SLC36A1: variants seen among roughly 807,000 people sequenced by gnomAD.
SLC36A1 encodes the protein proton-coupled amino acid transporter 1.
SLC36A1 carries 30 observed loss-of-function variants against 47.5 expected under a neutral mutation model. The ratio of observed to expected loss-of-function variants is 0.63; its 90% CI spans 0.47 to 0.86. The LOEUF (loss-of-function observed/expected upper bound fraction) is 0.86. SLC36A1 is among the 40% of genes least tolerant of loss of function. SLC36A1 has a pLI of 0.00. For missense variants in SLC36A1, 517 were observed against 606.0 expected (o/e 0.85, Z 1.54); for synonymous variants, 255 against 249.7 (o/e 1.02, Z -0.20).
chr5:151,433,849 C>A (rs1467284857), upstream of SLC36A1, among the ~76,000 whole-genome samples: 3 of 151,962 alleles, frequency 2.0e-5, no homozygotes, highest in Non-Finnish European at 4.4e-5. Context: ...GGAAATAAAT[C>A]AATATCCCAC....
the SLC36A1 span, chr5:151,531,790 G>A: frequency 6.2e-7 from 1 of 1,612,908 alleles, no homozygotes; most frequent in South Asian, 1.1e-5. This position sits in a 1 kb window ranked among gnomAD's most constrained non-coding sequence, Gnocchi z 5.7. Flanking sequence ...GACTGTGACG[G>A]TGCCCAGCGT....
chr5:151,390,590 GTA>G, the SLC36A1 span, among the ~76,000 whole-genome samples: 1 of 152,304 alleles, frequency 6.6e-6, no homozygotes, highest in Non-Finnish European at 1.5e-5. Flanking sequence ...TGTATAAGGT[GTA>G]AGGAAGGGAT....
the SLC36A1 span, among the ~76,000 whole-genome samples, chr5:151,354,371 C>T: frequency 6.6e-6 from 1 of 152,110 alleles, no homozygotes; most frequent in Non-Finnish European, 1.5e-5. Context: ...GATTGGCATG[C>T]GTTTTTAATT....
At chr5:151,534,729 C>G in the SLC36A1 span, 1 of 1,149,308 alleles carries the variant, frequency 8.7e-7, no homozygotes, top group Non-Finnish European at 1.3e-6. Context: ...GGAGACAAAC[C>G]CAGCCACACA....
chr5:151,464,873 A>T (rs1756107330), intron 4 of SLC36A1, among the ~76,000 whole-genome samples: 1 of 152,182 alleles, frequency 6.6e-6, no homozygotes, highest in Non-Finnish European at 1.5e-5. Context: ...ATTCTACCAG[A>T]TGGTTGTTAA....
the SLC36A1 span, among the ~76,000 whole-genome samples, chr5:151,400,562 T>A: frequency 5.4e-4 from 82 of 152,272 alleles, no homozygotes; most frequent in African/African-American, 1.9e-3. Context: ...TCTATTTTTA[T>A]TTTTTTGAGA....
intron 2 of SLC36A1, among the ~76,000 whole-genome samples, chr5:151,463,230 T>C (rs1755817477): frequency 6.6e-6 from 1 of 152,100 alleles, no homozygotes; most frequent in African/African-American, 2.4e-5. Flanking sequence ...CCAAATACAC[T>C]TGGAAAGGAT....
At chr5:151,452,743 G>A (rs1206292168) in intron 1 of SLC36A1, among the ~76,000 whole-genome samples, 3 of 151,744 alleles carry the variant, frequency 2.0e-5, no homozygotes, top group Admixed American at 6.6e-5. Context: ...GGTGATGGAC[G>A]CCTGTAATCC....
At chr5:151,390,028 A>C in the SLC36A1 span, among the ~76,000 whole-genome samples, 4 of 152,206 alleles carry the variant, frequency 2.6e-5, no homozygotes, top group Non-Finnish European at 4.4e-5. Flanking sequence ...TCCCACCAAC[A>C]GTGTAAAAGT....
the SLC36A1 span, among the ~76,000 whole-genome samples, chr5:151,387,917 T>C: frequency 1.3e-5 from 2 of 152,226 alleles, no homozygotes; most frequent in Non-Finnish European, 2.9e-5. Flanking sequence ...CCTTATATAA[T>C]GTGGCTTGCT....
At chr5:151,507,594 C>G in the SLC36A1 span, 9 of 1,604,202 alleles carry the variant, frequency 5.6e-6, no homozygotes, top group Non-Finnish European at 7.6e-6. Context: ...TGAACAACCC[C>G]TCGCCTCCAT....
chr5:151,521,770 G>T, the SLC36A1 span: 1 of 1,614,122 alleles, frequency 6.2e-7, no homozygotes, highest in South Asian at 1.1e-5. Flanking sequence ...CGTGGTGAAG[G>T]TCCCATCGCT....
At chr5:151,507,784 A>C in the SLC36A1 span, among the ~76,000 whole-genome samples, 1 of 151,808 alleles carries the variant, frequency 6.6e-6, no homozygotes, top group South Asian at 2.1e-4. Flanking sequence ...TCCACCTTCC[A>C]CCAGTAAAGT....
At chr5:151,526,334 C>A in the SLC36A1 span, among the ~76,000 whole-genome samples, 1 of 152,122 alleles carries the variant, frequency 6.6e-6, no homozygotes, top group South Asian at 2.1e-4. Context: ...GGGAATGTTG[C>A]GATTTGCAAA....
At chr5:151,452,763 G>A (rs780464261) in intron 1 of SLC36A1, among the ~76,000 whole-genome samples, 12 of 151,788 alleles carry the variant, frequency 7.9e-5, no homozygotes, top group Non-Finnish European at 1.8e-4. Flanking sequence ...CCAGCCACTC[G>A]GGAGGCTGAG....
chr5:151,443,392 AT>A (rs1464992060), upstream of SLC36A1, among the ~76,000 whole-genome samples: 8 of 152,072 alleles, frequency 5.3e-5, no homozygotes, highest in African/African-American at 1.9e-4. Context: ...TCTAATAATG[AT>A]TTTGGTTTGC....
the SLC36A1 span, among the ~76,000 whole-genome samples, chr5:151,427,780 C>T: frequency 6.6e-6 from 1 of 152,132 alleles, no homozygotes; most frequent in Non-Finnish European, 1.5e-5. Context: ...CAACATAAGG[C>T]GAGCTCCCTG....
the SLC36A1 span, chr5:151,511,869 A>G: frequency 2.4e-6 from 1 of 411,684 alleles, no homozygotes. Context: ...GACTGTGCAT[A>G]GACCAGTGAT....
intron 1 of SLC36A1, among the ~76,000 whole-genome samples, chr5:151,440,548 T>C (rs2127440353): frequency 6.7e-6 from 1 of 149,346 alleles, no homozygotes; most frequent in Middle Eastern, 3.4e-3. Flanking sequence ...GGGCTGGTAC[T>C]CTTGAGGGCT....
Sources: gnomAD v4.1 joint callset for allele counts (sites outside exome capture counted in the v4.1 genomes callset) on GRCh38, gnomAD v4.1.1 for gene constraint, Gnocchi (gnomAD v3.1) non-coding constraint, MANE v1.5 for transcripts, NCBI Gene and HGNC (gene_info 2026-07-23, HGNC 2026-07-21) for gene names.